The following MLF1 variants were observed in gnomAD, a reference collection of about 807,000 sequenced individuals.
MLF1 encodes myeloid leukemia factor 1.
A neutral mutation model predicts 38.3 loss-of-function variants in MLF1; 37 were observed. The ratio of observed to expected loss-of-function variants is 0.96; its 90% CI spans 0.74 to 1.27. The LOEUF is 1.27. Ranked by LOEUF, MLF1 falls within the 50% of genes most tolerant of loss-of-function variation. MLF1 has a pLI of 0.00. For missense variants in MLF1, 331 were observed against 349.2 expected, an observed-to-expected ratio of 0.95 and a Z score of 0.42; for synonymous variants, 95 against 106.5, an observed-to-expected ratio of 0.89 and a Z score of 0.66.
intron 3 of MLF1, 90 bp downstream of exon 3, chr3:158,593,516 G>A: frequency 1.0e-6 from 1 of 997,138 alleles, no homozygotes; most frequent in Non-Finnish European, 1.5e-6. Context: ...TTGGCATGCA[G>A]CCTCACTTCC....
At chr3:158,590,722 G>T (rs1397266900) in intron 1 of MLF1, 2 of 450,400 alleles carry the variant, frequency 4.4e-6, no homozygotes, top group Admixed American at 2.4e-5. Flanking sequence ...GGTAACTAGG[G>T]CTAGGAGCAG....
At chr3:158,579,450 G>T (rs2108565965) in intron 1 of MLF1, among the ~76,000 whole-genome samples, 1 of 152,244 alleles carries the variant, frequency 6.6e-6, no homozygotes, top group South Asian at 2.1e-4. Flanking sequence ...CCAGACTATA[G>T]GCTCGCTTTT....
intron 1 of MLF1, among the ~76,000 whole-genome samples, chr3:158,591,734 CT>C (rs1255000058): frequency 6.6e-6 from 1 of 151,330 alleles, no homozygotes. Context: ...TGGGAAACCA[CT>C]GTGATAAGGT....
intron 4 of MLF1, 147 bp from the exon 5 acceptor site, chr3:158,597,933 G>C (rs1719130357): frequency 4.6e-6 from 4 of 877,762 alleles, no homozygotes; most frequent in South Asian, 1.7e-5. Context: ...CTTCTCACTT[G>C]AGAACCTGGG....
At chr3:158,586,565 A>G (rs1416548023) in intron 1 of MLF1, among the ~76,000 whole-genome samples, 2 of 152,258 alleles carry the variant, frequency 1.3e-5, no homozygotes. Flanking sequence ...GTAATTCAGA[A>G]GTAAACCATC....
At chr3:158,576,091 CTTA>C (rs774431499) in intron 1 of MLF1, among the ~76,000 whole-genome samples, 15 of 151,828 alleles carry the variant, frequency 9.9e-5, no homozygotes, top group African/African-American at 1.7e-4. Flanking sequence ...CAATGTTTAC[CTTA>C]TTATAACAGT....
At chr3:158,591,080 G>A in intron 1 of MLF1, 1 of 510,222 alleles carries the variant, frequency 2.0e-6, no homozygotes, top group Non-Finnish European at 3.9e-6. Context: ...TTTCTACTTG[G>A]ACTTATGAGC....
chr3:158,602,855 A>G lies in MLF1; in HGVS notation c.662A>G (p.Tyr221Cys). ...DEEWQSEVLK[Y>C]KPGRHNLGNT... is the part of the protein sequence containing the mutation. ...GAGTGGCAAAGTGAGGTTTTGAAGT[A>G]CAAACCAGGACGACACAATCTAGGA... Residue 221 changes from tyrosine to cysteine, a missense_variant, in exon 7 of 8, where the codon TAC becomes TGC. Physicochemically the swap from Tyr to Cys is radical, Grantham distance 194 (BLOSUM62 -2). Coordinates refer to ENST00000466246, the MANE Select transcript of MLF1 (RefSeq NM_001369783.1). The G allele has an allele frequency of 2.5e-6, 4 of 1,613,806 alleles. No individual in the cohort carries two copies. The highest frequency in any genetic ancestry group is 3.4e-6 in the Non-Finnish European group (4 of 1,179,826).
chr3:158,605,167 A>C lies in MLF1; in HGVS notation c.817A>C (p.Ile273Leu). The stretch of plus-strand genomic sequence containing the variant: ...AAATGTTTTGGGGGACAAACTCCAC[A>C]TCAAAGGCTCATCTGTGAAAAGCAA... ...RSNVLGDKLH[I>L]KGSSVKSNKK Residue 273 changes from isoleucine (I) to leucine (L), a missense_variant, in exon 8 of 8, where the codon ATC becomes CTC. Physicochemically the swap from Ile to Leu is conservative, Grantham distance 5 (BLOSUM62 2). Transcript: ENST00000466246. 6.2e-7 allele frequency: 1 copy of C among 1,613,840 alleles called. No individual in the cohort carries two copies. Among genetic ancestry groups the C allele is most frequent in the Non-Finnish European group, 8.5e-7 (1 of 1,179,894 alleles).
chr3:158,591,174 T>C (rs1203389504), intron 1 of MLF1: 1 of 470,970 alleles, frequency 2.1e-6, no homozygotes, highest in Non-Finnish European at 4.3e-6. Flanking sequence ...TTTTTTTTTT[T>C]TTTGAGACAG....
intron 1 of MLF1, among the ~76,000 whole-genome samples, chr3:158,589,998 A>G (rs1414646731): frequency 1.3e-5 from 2 of 152,194 alleles, no homozygotes; most frequent in Non-Finnish European, 2.9e-5. Context: ...TAATCTTCCC[A>G]TCTCAAAATC....
chr3:158,590,444 T>G (rs1213390879), intron 1 of MLF1, among the ~76,000 whole-genome samples: 6 of 152,218 alleles, frequency 3.9e-5, no homozygotes, highest in African/African-American at 1.4e-4. Flanking sequence ...TTAAGTCAAA[T>G]TATGTATACA....
chr3:158,574,520 A>AC (rs1334881247), intron 1 of MLF1, among the ~76,000 whole-genome samples: 6 of 146,194 alleles, frequency 4.1e-5, no homozygotes, highest in Non-Finnish European at 7.5e-5. Flanking sequence ...AAAAAAAAAA[A>AC]AAAAAAATAC....
At chr3:158,571,860 C>T (rs1322462370) in intron 1 of MLF1, among the ~76,000 whole-genome samples, 2 of 7,538 alleles carry the variant, frequency 2.7e-4, no homozygotes, top group Admixed American at 1.5e-3. Context: ...GGGTTGAGGG[C>T]GTGAGGTGAG....
In MLF1 at chr3:158,606,383, TATA is replaced by T. The variant is rs1286849211; in HGVS notation, c.*1185_*1187del. 6.1e-6 allele frequency: 1 copy of T among 163,330 alleles called. No homozygotes were observed. The highest frequency in any genetic ancestry group is 1.4e-4 in the East Asian group (1 of 6,980). The allele number at this position is 163,330 out of a possible 1,614,324, so 10.1% of individuals were successfully genotyped here. On this transcript the variant is annotated 3_prime_UTR_variant, in exon 8 of 8. Transcript: ENST00000466246. ...ATGTTCATACTTCTCTAATTTTTTA[TATA>T]ATATTTTTGTTAATTTTACTAGTTT...
intron 1 of MLF1, among the ~76,000 whole-genome samples, chr3:158,587,858 G>A (rs190626087): frequency 2.0e-5 from 3 of 152,140 alleles, no homozygotes; most frequent in African/African-American, 7.2e-5. Context: ...AAAATTAGCC[G>A]GGCCTGGCGG....
chr3:158,584,838 A>C (rs1487916505), intron 1 of MLF1, among the ~76,000 whole-genome samples: 1 of 151,882 alleles, frequency 6.6e-6, no homozygotes, highest in Non-Finnish European at 1.5e-5. Context: ...AGTGATAGCT[A>C]ATGAGCCTGA....
At chr3:158,588,600 CAAAAAAAA>C (rs67267045) in intron 1 of MLF1, among the ~76,000 whole-genome samples, 69 of 51,286 alleles carry the variant, frequency 1.3e-3, no homozygotes, top group African/African-American at 5.9e-3. Context: ...GACTCCGTCT[CAAAAAAAA>C]AAAAAAAAAA....
At chr3:158,604,994 A>G in intron 7 of MLF1, 103 bp from the exon 8 acceptor site, 1 of 888,592 alleles carries the variant, frequency 1.1e-6, no homozygotes, top group Non-Finnish European at 1.7e-6. Context: ...TTTTTAAGAT[A>G]AAACTTTTCT....
Sources: gnomAD v4.1 joint callset for allele counts (sites outside exome capture counted in the v4.1 genomes callset) on GRCh38, gnomAD v4.1.1 for gene constraint, MANE v1.5 for transcripts, NCBI Gene and HGNC (gene_info 2026-07-23, HGNC 2026-07-21) for gene names.